The following MPP2 variants were observed in gnomAD, a reference collection of about 807,000 sequenced individuals.
MPP2 encodes MAGUK p55 scaffold protein 2, also known as MAGUK p55 subfamily member 2.
Under a neutral mutation model 58.5 loss-of-function variants are expected in MPP2, and 42 were observed. The observed-to-expected ratio is 0.72, with a 90% CI of 0.56 to 0.93. The LOEUF (loss-of-function observed/expected upper bound fraction) is 0.93. MPP2 is among the 40% of genes least tolerant of loss of function. MPP2 has a pLI of 0.00. For missense variants in MPP2, 632 were observed against 760.4 expected, an observed-to-expected ratio of 0.83 and a Z score of 1.99; for synonymous variants, 300 against 307.8, an observed-to-expected ratio of 0.97 and a Z score of 0.26.
Position 43,879,355 on chromosome 17 carries a change from T to C in MPP2, c.1402A>G (p.Ile468Val), listed in dbSNP as rs770784900. 2 of 1,614,020 alleles carry C rather than the reference T, an allele frequency of 1.2e-6. No individual in the cohort carries two copies. Among genetic ancestry groups the C allele is most frequent in the Admixed American group, 1.7e-5 (1 of 60,000 alleles). ...TAEFVPYVVF[I>V]EAPDFETLRA... ...AGGGTCTCGAAGTCTGGGGCCTCGA[T>C]GAACACCACGTAAGGGACAAACTCG... The change falls in exon 12 of 13, where the codon ATC becomes GTC. Residue 468 changes from isoleucine to valine, a missense_variant. Ile to Val is a conservative substitution (Grantham distance 29). Coordinates refer to ENST00000269095, the MANE Select transcript of MPP2 (RefSeq NM_005374.5). The surrounding 1 kb of genome is among the most constrained non-coding windows in gnomAD (Gnocchi z 4.1).
chr17:43,882,147 T>G (rs921221170), intron 6 of MPP2, 137 bp downstream of exon 6: 16 of 803,238 alleles, frequency 2.0e-5, no homozygotes, highest in Non-Finnish European at 3.2e-5. Context: ...TGCGGTCAGC[T>G]GCCCCTGGGC....
upstream of MPP2, among the ~76,000 whole-genome samples, chr17:43,908,799 G>C (rs1397080500): frequency 1.3e-5 from 2 of 152,226 alleles, no homozygotes; most frequent in Non-Finnish European, 1.5e-5. Flanking sequence ...GCAGGGGACT[G>C]GTCCCTGGGT....
At chr17:43,900,517 C>G (rs1396440437) in intron 2 of MPP2, 2 of 1,548,788 alleles carry the variant, frequency 1.3e-6, no homozygotes, top group East Asian at 4.9e-5. Flanking sequence ...GGGATATACC[C>G]TCCAAGGAGA....
intron 3 of MPP2, among the ~76,000 whole-genome samples, chr17:43,895,313 T>C (rs1483463740): frequency 6.6e-6 from 1 of 152,132 alleles, no homozygotes; most frequent in Non-Finnish European, 1.5e-5. Context: ...GATTTCACCA[T>C]GTTGATCAGG....
At chr17:43,882,010 T>G (rs2047149575) in intron 6 of MPP2, among the ~76,000 whole-genome samples, 1 of 152,162 alleles carries the variant, frequency 6.6e-6, no homozygotes, top group Non-Finnish European at 1.5e-5. Context: ...CGCACAAACG[T>G]GAAGAACGCT....
rs1033730752 is a variant in MPP2 at position 43,880,369 on chromosome 17, C to T, written c.1150+322G>A. On this transcript the variant is annotated intron_variant, in intron 10 of 12. Coordinates refer to ENST00000269095, the MANE Select transcript of MPP2 (RefSeq NM_005374.5). The surrounding 1 kb of genome is among the most constrained non-coding windows in gnomAD (Gnocchi z 5.2). ...AGAAGCCCTGTCTTCCACAAGGCTA[C>T]ACACATGCAGCTCGTAGCCTGTTTC... 6.6e-5 allele frequency among the ~76,000 whole-genome samples: 10 copies of T among 152,222 alleles called. No homozygotes were observed. Among genetic ancestry groups the T allele is most frequent in the Non-Finnish European group, 1.2e-4 (8 of 68,040 alleles).
intron 3 of MPP2, among the ~76,000 whole-genome samples, chr17:43,894,418 A>AAAATATAT (rs2047736751): frequency 1.3e-5 from 1 of 77,396 alleles, no homozygotes; most frequent in Non-Finnish European, 2.6e-5. Context: ...TCCATCTCAA[A>AAAATATAT]ATATATATAT....
rs757324934 is a variant in MPP2, at chr17:43,875,864, C to T, written c.*1943G>A. On this transcript the variant is annotated 3_prime_UTR_variant, in exon 13 of 13. Transcript: ENST00000269095. ...AAGCAGCTGCAACAACAGATCTTCCCCTGCCTCTACCCTCAAATCCCCCAG... is the reference window on the plus strand; with the variant it reads ...AAGCAGCTGCAACAACAGATCTTCCTCTGCCTCTACCCTCAAATCCCCCAG... 6 of 152,182 alleles carry T rather than the reference C, an allele frequency of 3.9e-5. No homozygotes were observed. Among genetic ancestry groups the T allele is most frequent in the Non-Finnish European group, 8.8e-5 (6 of 68,038 alleles). The allele number at this position is 152,182 out of a possible 1,614,324, so 9.4% of individuals were successfully genotyped here. A position where few individuals can be genotyped will look rare whatever the true frequency, so the allele number is the denominator to read the frequency against.
chr17:43,882,526 G>A lies in MPP2; in HGVS notation c.454-15C>T, dbSNP rs373093111. The stretch of plus-strand genomic sequence containing the variant: ...AACGTTACACCCTGGAGGTCAGAGG[G>A]AGTGTAAGATGAGGCCCCAATTGCT... On this transcript the variant is annotated splice_polypyrimidine_tract_variant and intron_variant, in intron 5 of 12. Coordinates refer to ENST00000269095, the MANE Select transcript of MPP2 (RefSeq NM_005374.5). The A allele has an allele frequency of 7.5e-6, 12 of 1,600,304 alleles. No homozygotes were observed. The African/African-American group carries it at 9.3e-5, about 12-fold the overall frequency.
rs576137447 is a variant in MPP2 at position 43,907,440 on chromosome 17, A to G, written c.-34+34T>C. The G allele has an allele frequency of 5.2e-5, 51 of 985,630 alleles. No homozygotes were observed. In the East Asian group the frequency reaches 2.7e-3, roughly 53 times the overall value. The allele number at this position is 985,630 out of a possible 1,614,324, so 61.1% of individuals were successfully genotyped here. A position where few individuals can be genotyped will look rare whatever the true frequency, so the allele number is the denominator to read the frequency against. On this transcript the variant is annotated intron_variant, in intron 1 of 12. Transcript: ENST00000269095. The stretch of plus-strand genomic sequence containing the variant: ...ACGAAAAGAAGGCGGAGGTCTTGGG[A>G]TAGGAGCTGGCCCGGGGGCCGGGGG...
intron 3 of MPP2, chr17:43,884,091 T>A: frequency 1.4e-6 from 1 of 702,800 alleles, no homozygotes; most frequent in South Asian, 1.5e-5. Context: ...TACCCCAAAG[T>A]ATTTCAGCAT....
intron 3 of MPP2, among the ~76,000 whole-genome samples, chr17:43,894,145 G>A (rs2047721216): frequency 6.7e-6 from 1 of 150,256 alleles, no homozygotes; most frequent in Non-Finnish European, 1.5e-5. Context: ...ATGGCCAGGT[G>A]CGGTGGCTCA....
intron 1 of MPP2, among the ~76,000 whole-genome samples, chr17:43,905,835 C>G (rs1026334789): frequency 6.6e-6 from 1 of 152,082 alleles, no homozygotes; most frequent in African/African-American, 2.4e-5. Flanking sequence ...GAGCTGGTCA[C>G]CTGAGCTCAG....
intron 3 of MPP2, among the ~76,000 whole-genome samples, chr17:43,894,616 G>GA (rs36073194): frequency 0.74 from 49,017 of 66,042 alleles, 19,812 homozygotes; most frequent in East Asian, 0.98. Flanking sequence ...GACTCCAGAG[G>GA]AAAAAAAAAA....
intron 3 of MPP2, among the ~76,000 whole-genome samples, chr17:43,883,722 GA>G (rs58513838): frequency 0.052 from 7,970 of 152,096 alleles, 747 homozygotes; most frequent in African/African-American, 0.18. Context: ...GTGGGGCCTT[GA>G]AGACCCTGAA....
In MPP2 at chr17:43,877,645, G is replaced by T; in HGVS notation, c.*162C>A. 1.5e-6 allele frequency: 1 copy of T among 678,510 alleles called. No individual in the cohort carries two copies. Among genetic ancestry groups the T allele is most frequent in the Middle Eastern group, 3.3e-4 (1 of 2,994 alleles). 42.0% of individuals were successfully genotyped at this position (678,510 alleles called of 1,614,324 possible). ...AATGCCCACCTCCCTGGCAGTGCAC[G>T]CCTCTGTGCTGAAGCCAGACTTAGG... On this transcript the variant is annotated 3_prime_UTR_variant, in exon 13 of 13. Coordinates refer to ENST00000269095, the MANE Select transcript of MPP2 (RefSeq NM_005374.5).
rs758282963 is a variant in MPP2 at position 43,879,775 on chromosome 17, G to C, written c.1353+7C>G. ...GGGCAGGCTGGGAAGGAGCAGAGTG[G>C]CGGTACCTGGGGGTTGACATCCAGC... is the stretch of plus-strand genomic sequence containing the variant. On this transcript the variant is annotated splice_region_variant and intron_variant, in intron 11 of 12. Coordinates refer to ENST00000269095, the MANE Select transcript of MPP2 (RefSeq NM_005374.5). This position sits in a 1 kb window ranked among gnomAD's most constrained non-coding sequence, Gnocchi z 4.1. 1.3e-5 allele frequency: 21 copies of C among 1,612,832 alleles called. No homozygotes were observed. The highest frequency in any genetic ancestry group is 1.7e-5 in the Non-Finnish European group (20 of 1,179,844).
chr17:43,886,886 T>C (rs189198512), intron 3 of MPP2, among the ~76,000 whole-genome samples: 1 of 152,198 alleles, frequency 6.6e-6, no homozygotes, highest in Non-Finnish European at 1.5e-5. Context: ...TGTCTACTCA[T>C]GTCTTTCCCA....
Position 43,879,444 on chromosome 17 carries a change from T to C in MPP2, c.1354-41A>G. 6.2e-7 allele frequency: 1 copy of C among 1,610,174 alleles called. No homozygotes were observed. Among genetic ancestry groups the C allele is most frequent in the Non-Finnish European group, 8.5e-7 (1 of 1,177,316 alleles). On this transcript the variant is annotated intron_variant, in intron 11 of 12. Coordinates refer to ENST00000269095, the MANE Select transcript of MPP2 (RefSeq NM_005374.5). The surrounding 1 kb of genome is among the most constrained non-coding windows in gnomAD (Gnocchi z 4.1). ...GCAAGGTAGGGAGTATATCCCCATG[T>C]CTGTCCTAGGAACCAGAGAAAGGCT...
Sources: allele counts gnomAD v4.1 joint callset (sites outside exome capture counted in the v4.1 genomes callset), GRCh38; gene constraint gnomAD v4.1.1; non-coding constraint Gnocchi (gnomAD v3.1); transcripts MANE v1.5; gene names NCBI Gene and HGNC (gene_info 2026-07-23, HGNC 2026-07-21).